ACYP2: variants seen among roughly 807,000 people sequenced by gnomAD.
The protein encoded by ACYP2 is acylphosphatase 2.
In ACYP2, 12 loss-of-function variants were observed where a neutral mutation model predicts 11.2. That is an observed-to-expected ratio of 1.08 (90% confidence interval 0.69 to 1.74). ACYP2 has a LOEUF of 1.74. ACYP2 is among the 40% of genes most tolerant of loss of function. The probability of loss-of-function intolerance (pLI) is 0.00; values close to 1 mark genes in which losing one functional copy is unlikely to be tolerated. For synonymous variants in ACYP2, 43 were observed against 32.2 expected (o/e 1.33, Z -1.13); for missense variants, 134 against 101.9 (o/e 1.31, Z -1.35).
rs532614170 is a variant in ACYP2 at position 54,179,447 on chromosome 2, G to A, written c.404+40699G>A. Among the ~76,000 whole-genome samples the A allele has an allele frequency of 2.0e-5, 3 of 152,284 alleles. No homozygotes were observed. In the South Asian group the frequency reaches 6.2e-4, roughly 32 times the overall value. On this transcript the variant is annotated intron_variant, in intron 6 of 6. Coordinates refer to ENST00000607452, the MANE Select transcript of ACYP2 (RefSeq NM_001320586.2). ...ATTCAGGGCAAGTCGGCGGAGTAAA[G>A]TGAAAGCAAGCTTATTAGGAAAGTA...
At chr2:54,056,843 A>G (rs1231429671) in intron 3 of ACYP2, among the ~76,000 whole-genome samples, 1 of 152,210 alleles carries the variant, frequency 6.6e-6, no homozygotes, top group Non-Finnish European at 1.5e-5. Flanking sequence ...CTGTAAATCT[A>G]AAATCAGAAA....
intron 2 of ACYP2, among the ~76,000 whole-genome samples, chr2:54,026,588 A>G (rs1674300472): frequency 6.6e-6 from 1 of 152,214 alleles, no homozygotes; most frequent in Non-Finnish European, 1.5e-5. Context: ...AAGTCATTAT[A>G]TGAAAAAGAC....
At chr2:54,177,643 T>A (rs1300969262) in intron 6 of ACYP2, among the ~76,000 whole-genome samples, 1 of 150,514 alleles carries the variant, frequency 6.6e-6, no homozygotes, top group Non-Finnish European at 1.5e-5. Context: ...AGTGGCACGA[T>A]CTCGGCTCAC....
chr2:54,065,848 A>G, intron 4 of ACYP2: 1 of 227,036 alleles, frequency 4.4e-6, no homozygotes, highest in Non-Finnish European at 8.5e-6. Flanking sequence ...CCTAAAGTCC[A>G]CTATCATCAG....
rs535042350 is a variant in ACYP2 at position 53,999,666 on chromosome 2, CT to C, written c.62+25858del. 5.3e-3 allele frequency among the ~76,000 whole-genome samples: 813 copies of C among 152,260 alleles called. 6 individuals carry two copies. Among genetic ancestry groups the C allele is most frequent in the Non-Finnish European group, 8.5e-3 (579 of 68,022 alleles). ...ACAAATAGTACCTTAATTAAAGAAA[CT>C]TCAAATCTGAAAATTAATCCCCTGG... On this transcript the variant is annotated intron_variant, in intron 2 of 6. Coordinates refer to ENST00000607452, the MANE Select transcript of ACYP2 (RefSeq NM_001320586.2).
intron 6 of ACYP2, among the ~76,000 whole-genome samples, chr2:54,261,975 A>C (rs1687799961): frequency 6.6e-6 from 1 of 152,226 alleles, no homozygotes; most frequent in African/African-American, 2.4e-5. Context: ...GAGGAGAAAA[A>C]TATTTGAGTT....
chr2:54,140,778 G>T lies in ACYP2; in HGVS notation c.404+2030G>T, dbSNP rs969609489. On this transcript the variant is annotated intron_variant, in intron 6 of 6. Coordinates refer to ENST00000607452, the MANE Select transcript of ACYP2 (RefSeq NM_001320586.2). ...CTGGAAATGCATTTTTTTCTGTCTT[G>T]TTTTTTGCAATAAGAGCAATGCTGC... Among the ~76,000 whole-genome samples, 5 of 151,682 alleles carry T rather than the reference G, an allele frequency of 3.3e-5. No homozygotes were observed. The South Asian group carries it at 1.0e-3, about 32-fold the overall frequency.
chr2:54,051,152 AG>A, intron 3 of ACYP2: 1 of 697,922 alleles, frequency 1.4e-6, no homozygotes, highest in East Asian at 2.4e-5. Context: ...GCACTGGGCA[AG>A]TGAGAACCAG....
chr2:54,211,351 A>T (rs1477195198), intron 6 of ACYP2, among the ~76,000 whole-genome samples: 1 of 152,222 alleles, frequency 6.6e-6, no homozygotes, highest in Non-Finnish European at 1.5e-5. Flanking sequence ...TTCAATTCTA[A>T]AGCCACTTAA....
intron 6 of ACYP2, among the ~76,000 whole-genome samples, chr2:54,177,715 C>G (rs1683523516): frequency 6.6e-6 from 1 of 151,296 alleles, no homozygotes; most frequent in East Asian, 2.0e-4. Flanking sequence ...GTAGCTGGGA[C>G]TACAGGCACG....
chr2:54,285,406 C>T (rs888537355), intron 6 of ACYP2, among the ~76,000 whole-genome samples: 11 of 152,188 alleles, frequency 7.2e-5, no homozygotes, highest in Non-Finnish European at 1.5e-4. Flanking sequence ...TCCATTTATT[C>T]CCAGGTATTG....
In ACYP2 at chr2:54,060,439, A is replaced by G. The variant is rs185333122; in HGVS notation, c.277+3079A>G. 4.0e-5 allele frequency among the ~76,000 whole-genome samples: 6 copies of G among 151,630 alleles called. No individual in the cohort carries two copies. In the East Asian group the frequency reaches 1.2e-3, roughly 29 times the overall value. On this transcript the variant is annotated intron_variant, in intron 4 of 6. Coordinates refer to ENST00000607452, the MANE Select transcript of ACYP2 (RefSeq NM_001320586.2). ...TCTTTTATGGATATAATGTTTTTTG[A>G]TCTCTCCAATGATTCAATTATAATT...
At chr2:54,148,619 G>C (rs534381884) in intron 6 of ACYP2, among the ~76,000 whole-genome samples, 2 of 152,080 alleles carry the variant, frequency 1.3e-5, no homozygotes, top group Non-Finnish European at 2.9e-5. Flanking sequence ...AAATTAATTT[G>C]GTTGTCATCA....
chr2:54,046,228 C>T (rs949394620), intron 2 of ACYP2, among the ~76,000 whole-genome samples: 2 of 146,808 alleles, frequency 1.4e-5, no homozygotes, highest in East Asian at 4.1e-4. Context: ...GTAATCCCAG[C>T]AATTTGGGGG....
intron 5 of ACYP2, 120 bp downstream of exon 2, chr2:54,135,589 A>G (rs13417064): frequency 0.077 from 52,595 of 681,608 alleles, 3,475 homozygotes; most frequent in East Asian, 0.32. Context: ...CCTTGACAGC[A>G]AATGAAGAAA....
chr2:54,131,588 A>G (rs745318403), intron 4 of ACYP2, among the ~76,000 whole-genome samples: 52 of 152,196 alleles, frequency 3.4e-4, no homozygotes, highest in Middle Eastern at 3.4e-3. Context: ...GGTTTTTTCC[A>G]TGTAATTCGT....
chr2:54,135,588 C>T (rs1681176485), intron 5 of ACYP2, 119 bp downstream of exon 2: 3 of 703,548 alleles, frequency 4.3e-6, no homozygotes, highest in South Asian at 4.2e-5. Flanking sequence ...TCCTTGACAG[C>T]AAATGAAGAA....
intron 6 of ACYP2, among the ~76,000 whole-genome samples, chr2:54,217,532 ATT>A (rs372344785): frequency 0.015 from 2,184 of 146,676 alleles, 45 homozygotes; most frequent in African/African-American, 0.052. Context: ...GTCCCTGGCT[ATT>A]TTTTTTTTGT....
At chr2:54,275,727 C>A (rs1332324618) in intron 6 of ACYP2, among the ~76,000 whole-genome samples, 2 of 152,124 alleles carry the variant, frequency 1.3e-5, no homozygotes, top group Non-Finnish European at 2.9e-5. Context: ...TTTATATAAT[C>A]TAACATATTA....
Sources: gnomAD v4.1 joint callset for allele counts (sites outside exome capture counted in the v4.1 genomes callset) on GRCh38, gnomAD v4.1.1 for gene constraint, MANE v1.5 for transcripts, NCBI Gene and HGNC (gene_info 2026-07-23, HGNC 2026-07-21) for gene names.